G3BP1: variants seen among roughly 807,000 people sequenced by gnomAD.
The protein encoded by G3BP1 is ras GTPase-activating protein-binding protein 1.
Under a neutral mutation model 58.6 loss-of-function variants are expected in G3BP1, and 35 were observed. The ratio of observed to expected loss-of-function variants is 0.60; its 90% confidence interval spans 0.46 to 0.79. The LOEUF (loss-of-function observed/expected upper bound fraction) is 0.79, where lower values mean the gene tolerates loss of function less well. Among genes scored for constraint, G3BP1 ranks in the 30% least tolerant of loss-of-function variants. The pLI is 0.00. For missense variants in G3BP1, 523 were observed against 580.8 expected, an observed-to-expected ratio of 0.90 and a Z score of 1.02; for synonymous variants, 191 against 195.4, an observed-to-expected ratio of 0.98 and a Z score of 0.19.
intron 11 of G3BP1, among the ~76,000 whole-genome samples, chr5:151,803,275 T>C (rs1209646401): frequency 6.6e-6 from 1 of 152,350 alleles, no homozygotes; most frequent in African/African-American, 2.4e-5. Flanking sequence ...TCCAAATCTA[T>C]GGAGAAGGTG....
At chr5:151,798,762 C>G (rs1328463433) in intron 7 of G3BP1, among the ~76,000 whole-genome samples, 1 of 152,044 alleles carries the variant, frequency 6.6e-6, no homozygotes, top group Non-Finnish European at 1.5e-5. Context: ...TTTAGGAGTT[C>G]AAGACCAGCC....
rs1762913918 is a variant in G3BP1 at position 151,804,761 on chromosome 5, A to T, written c.*670A>T. On this transcript the variant is annotated 3_prime_UTR_variant, in exon 12 of 12. Coordinates refer to ENST00000356245, the MANE Select transcript of G3BP1 (RefSeq NM_005754.3). ...ATAGGTTTTAAATGTCTAGAATGCA[A>T]CTGATAGGCTTTTCTTGAACTGTTA... 6.6e-6 allele frequency: 1 copy of T among 152,646 alleles called. No homozygotes were observed. Among genetic ancestry groups the T allele is most frequent in the Non-Finnish European group, 1.5e-5 (1 of 68,028 alleles). 9.5% of individuals were successfully genotyped at this position (152,646 alleles called of 1,614,324 possible).
At chr5:151,778,149 T>G (rs1561530267) in intron 1 of G3BP1, among the ~76,000 whole-genome samples, 1 of 152,232 alleles carries the variant, frequency 6.6e-6, no homozygotes, top group Non-Finnish European at 1.5e-5. Flanking sequence ...GTAGTAGATG[T>G]ATGCCTAACT....
At position 151,804,162 on chromosome 5, in the gene G3BP1, G is replaced by A; in HGVS notation, c.*71G>A. The A allele has an allele frequency of 2.6e-6, 3 of 1,161,544 alleles. No individual in the cohort carries two copies. Among genetic ancestry groups the A allele is most frequent in the South Asian group, 2.9e-5 (2 of 68,798 alleles). The allele number at this position is 1,161,544 out of a possible 1,614,324, so 72.0% of individuals were successfully genotyped here. A position where few individuals can be genotyped will look rare whatever the true frequency, so the allele number is the denominator to read the frequency against. ...GAATGGTGAATTTTCGACAGCCTTT[G>A]GTATCTTGGAGTATGACCCCAGTCT... On this transcript the variant is annotated 3_prime_UTR_variant, in exon 12 of 12. Coordinates refer to ENST00000356245, the MANE Select transcript of G3BP1 (RefSeq NM_005754.3).
chr5:151,806,663 T>C lies in G3BP1; in HGVS notation c.*2572T>C, dbSNP rs1762942085. 1 of 152,206 alleles carries C rather than the reference T, an allele frequency of 6.6e-6. No homozygotes were observed. Among genetic ancestry groups the C allele is most frequent in the Non-Finnish European group, 1.5e-5 (1 of 68,026 alleles). The allele number at this position is 152,206 out of a possible 1,614,324, so 9.4% of individuals were successfully genotyped here. On this transcript the variant is annotated 3_prime_UTR_variant, in exon 12 of 12. Coordinates refer to ENST00000356245, the MANE Select transcript of G3BP1 (RefSeq NM_005754.3). ...CATTATAAGTTAGGGCAACATTTTC[T>C]ATAGGTGGCAGCAGTAGGAGCTCAT... is the stretch of plus-strand genomic sequence containing the variant.
Position 151,809,488 on chromosome 5 carries a change from A to G in G3BP1, c.*5397A>G, listed in dbSNP as rs2113262136. On this transcript the variant is annotated 3_prime_UTR_variant, in exon 12 of 12. Coordinates refer to ENST00000356245, the MANE Select transcript of G3BP1 (RefSeq NM_005754.3). Reference sequence around the variant, plus strand: ...ATAGCATAGGGATCATTTGTGATTTATATAGAAAATAATTATATTTTTGAG... The same window carrying G: ...ATAGCATAGGGATCATTTGTGATTTGTATAGAAAATAATTATATTTTTGAG... 1 of 152,350 alleles carries G rather than the reference A, an allele frequency of 6.6e-6. No individual in the cohort carries two copies. The highest frequency in any genetic ancestry group is 2.4e-5 in the African/African-American group (1 of 41,578). The allele number at this position is 152,350 out of a possible 1,614,324, so 9.4% of individuals were successfully genotyped here.
intron 9 of G3BP1, 22 bp from the exon 10 acceptor site, chr5:151,800,196 G>C: frequency 6.2e-7 from 1 of 1,609,252 alleles, no homozygotes; most frequent in South Asian, 1.1e-5. Flanking sequence ...GTCTTTCATT[G>C]ATGTTTTTGT....
intron 4 of G3BP1, chr5:151,792,216 C>T: frequency 2.4e-6 from 1 of 418,048 alleles, no homozygotes; most frequent in Admixed American, 2.7e-5. Context: ...GGAATCCTGT[C>T]TGCTTAAGCA....
At chr5:151,783,888 G>C (rs1023991700) in intron 1 of G3BP1, among the ~76,000 whole-genome samples, 8 of 151,812 alleles carry the variant, frequency 5.3e-5, no homozygotes, top group African/African-American at 1.5e-4. Context: ...TCAGCCTCCT[G>C]AATAGCTGGG....
At chr5:151,790,273 A>T in intron 2 of G3BP1, 50 bp from the exon 3 acceptor site, 1 of 1,037,646 alleles carries the variant, frequency 9.6e-7, no homozygotes, top group Non-Finnish European at 1.4e-6. Context: ...CGTGAAAAAT[A>T]AACTTAAGAT....
intron 2 of G3BP1, among the ~76,000 whole-genome samples, chr5:151,789,533 A>G (rs1204970944): frequency 6.6e-6 from 1 of 152,236 alleles, no homozygotes; most frequent in South Asian, 2.1e-4. Flanking sequence ...ATTGACTTTG[A>G]CATTCTTAAT....
Position 151,791,078 on chromosome 5 carries a change from A to T in G3BP1, c.351+16A>T. ...TGCTCCTGAGGTATGTGTAGGAATG[A>T]TTATTTTGTAGTGATCCAATACATG... On this transcript the variant is annotated intron_variant, in intron 4 of 11. Transcript: ENST00000356245. The T allele has an allele frequency of 1.3e-6, 2 of 1,594,258 alleles. No homozygotes were observed. The highest frequency in any genetic ancestry group is 1.7e-6 in the Non-Finnish European group (2 of 1,161,966).
chr5:151,791,844 A>G (rs766421977), intron 4 of G3BP1: 2 of 304,752 alleles, frequency 6.6e-6, no homozygotes, highest in South Asian at 5.4e-5. Flanking sequence ...TTTAGTAGTG[A>G]TGGGGTTTCA....
intron 1 of G3BP1, among the ~76,000 whole-genome samples, chr5:151,784,968 G>A (rs1429821890): frequency 6.6e-6 from 1 of 152,196 alleles, no homozygotes; most frequent in African/African-American, 2.4e-5. Flanking sequence ...ACTAACAGCT[G>A]TTGCATGTTT....
At position 151,808,015 on chromosome 5, in the gene G3BP1, A is replaced by G. The variant is rs972679069; in HGVS notation, c.*3924A>G. On this transcript the variant is annotated 3_prime_UTR_variant, in exon 12 of 12. Transcript: ENST00000356245. The stretch of plus-strand genomic sequence containing the variant: ...AAGTAACATCAGCATTTATTTGAAT[A>G]TCAGGTTTTAGCTAACTGCCTAATG... The G allele has an allele frequency of 6.6e-5, 10 of 152,224 alleles. No homozygotes were observed. Among genetic ancestry groups the G allele is most frequent in the African/African-American group, 2.4e-4 (10 of 41,464 alleles). 9.4% of individuals were successfully genotyped at this position (152,224 alleles called of 1,614,324 possible).
chr5:151,781,551 C>T (rs957043997), intron 1 of G3BP1, among the ~76,000 whole-genome samples: 1 of 152,064 alleles, frequency 6.6e-6, no homozygotes, highest in African/African-American at 2.4e-5. Context: ...GGGACCCATA[C>T]GAAATATCAC....
At chr5:151,794,089 C>A in intron 4 of G3BP1, 70 bp from the exon 5 acceptor site, 1 of 889,396 alleles carries the variant, frequency 1.1e-6, no homozygotes, top group South Asian at 1.3e-5. Flanking sequence ...TCCCAGTCAC[C>A]AATGGTGTAG....
intron 2 of G3BP1, among the ~76,000 whole-genome samples, chr5:151,789,379 AT>A (rs1297904620): frequency 6.6e-6 from 1 of 151,518 alleles, no homozygotes; most frequent in Non-Finnish European, 1.5e-5. Context: ...AAAAAAAAAA[AT>A]GTATTTATCT....
intron 4 of G3BP1, chr5:151,791,971 G>T: frequency 2.5e-6 from 1 of 392,454 alleles, no homozygotes; most frequent in Non-Finnish European, 5.0e-6. Context: ...TTCTCTTTTT[G>T]ATTTGTAAAT....
Sources: allele counts gnomAD v4.1 joint callset (sites outside exome capture counted in the v4.1 genomes callset), GRCh38; gene constraint gnomAD v4.1.1; transcripts MANE v1.5; gene names NCBI Gene and HGNC (gene_info 2026-07-23, HGNC 2026-07-21).